PDXDC1: variants seen among roughly 807,000 people sequenced by gnomAD.
PDXDC1 encodes pyridoxal-dependent decarboxylase domain-containing protein 1.
A neutral mutation model predicts 100.1 loss-of-function variants in PDXDC1; 42 were observed. The ratio of observed to expected loss-of-function variants is 0.42; its 90% CI spans 0.33 to 0.54. The LOEUF (loss-of-function observed/expected upper bound fraction) is 0.54, where lower values mean the gene tolerates loss of function less well. Ranked by LOEUF, PDXDC1 falls within the 20% of genes least tolerant of loss-of-function variation. The pLI, the probability that PDXDC1 is intolerant of heterozygous loss-of-function variation, is 0.10. For synonymous variants in PDXDC1, 260 were observed against 371.7 expected, an observed-to-expected ratio of 0.70 and a Z score of 3.46; for missense variants, 636 against 979.2, an observed-to-expected ratio of 0.65 and a Z score of 4.68.
At chr16:15,122,280 G>A (rs1263363657) in intron 16 of PDXDC1, among the ~76,000 whole-genome samples, 7 of 149,356 alleles carry the variant, frequency 4.7e-5, no homozygotes, top group African/African-American at 9.9e-5. Context: ...GGGCCATCTC[G>A]GCTCACTGCA....
intron 7 of PDXDC1, among the ~76,000 whole-genome samples, chr16:15,009,063 G>T (rs1291196399): frequency 6.6e-6 from 1 of 152,288 alleles, no homozygotes; most frequent in African/African-American, 2.4e-5. Context: ...AAGGAGTCTT[G>T]TAATTACTGT....
intron 13 of PDXDC1, among the ~76,000 whole-genome samples, chr16:15,024,569 T>C (rs2042445062): frequency 6.6e-6 from 1 of 152,220 alleles, no homozygotes; most frequent in Non-Finnish European, 1.5e-5. Context: ...CATGCCACCA[T>C]GTCCAGCTAA....
rs761458431 is a variant in PDXDC1 at position 15,026,703 on chromosome 16, T to G, written c.1201T>G (p.Ser401Ala). 6.2e-7 allele frequency: 1 copy of G among 1,613,678 alleles called. No individual in the cohort carries two copies. Among genetic ancestry groups the G allele is most frequent in the East Asian group, 2.2e-5 (1 of 44,866 alleles). The change falls in exon 14 of 23, where the codon TCA (serine) becomes GCA (alanine). Residue 401 changes from serine (S) to alanine (A), a missense_variant. Transcript: ENST00000396410. ...CAGATTTTTCCAGGAATTACCAGGC[T>G]CAGGTCGGTGAATTTTAAAAGAGGG... ...VFRFFQELPGSDPVFKAVPVP... is the reference protein window; with the variant it reads ...VFRFFQELPGADPVFKAVPVP...
intron 16 of PDXDC1, chr16:15,127,929 G>A (rs1567299084): frequency 7.1e-7 from 1 of 1,405,760 alleles, no homozygotes; most frequent in Non-Finnish European, 9.9e-7. Flanking sequence ...ACTGCAGGAG[G>A]CCACGGGGCA....
Position 15,038,292 on chromosome 16 carries a change from C to A in PDXDC1, c.*2017C>A. 1.0e-6 allele frequency: 1 copy of A among 985,492 alleles called. No individual in the cohort carries two copies. Among genetic ancestry groups the A allele is most frequent in the Non-Finnish European group, 1.5e-6 (1 of 654,888 alleles). 61.0% of individuals were successfully genotyped at this position (985,492 alleles called of 1,614,324 possible). On this transcript the variant is annotated 3_prime_UTR_variant, in exon 23 of 23. Coordinates refer to ENST00000396410, the MANE Select transcript of PDXDC1 (RefSeq NM_015027.4). ...ATAAAGATGTCAAAGTATCTTTGTT[C>A]TTGGACACAAATATATATAATAAAA...
intron 16 of PDXDC1, among the ~76,000 whole-genome samples, chr16:15,030,678 G>A (rs2042997931): frequency 6.6e-6 from 1 of 151,494 alleles, no homozygotes; most frequent in Non-Finnish European, 1.5e-5. Context: ...TGACCTCCTG[G>A]GCTCAAGTGA....
chr16:15,094,847 AT>A (rs1021423911), intron 16 of PDXDC1: 1 of 151,996 alleles, frequency 6.6e-6, no homozygotes, highest in Non-Finnish European at 1.5e-5. Flanking sequence ...TTATTTATTT[AT>A]TTTCTTTTGA....
At chr16:15,058,819 A>G (rs2044615744) in intron 16 of PDXDC1, among the ~76,000 whole-genome samples, 1 of 152,196 alleles carries the variant, frequency 6.6e-6, no homozygotes, top group African/African-American at 2.4e-5. Flanking sequence ...TTTAATGTAG[A>G]GATGGGGGTC....
In PDXDC1 at chr16:15,035,502, G is replaced by A. The variant is rs763601348; in HGVS notation, c.2056G>A (p.Val686Ile). 1 of 1,612,846 alleles carries A rather than the reference G, an allele frequency of 6.2e-7. No homozygotes were observed. The highest frequency in any genetic ancestry group is 1.7e-5 in the Admixed American group (1 of 59,958). The change falls in exon 22 of 23, where the codon GTC becomes ATC. Residue 686 changes from valine (V) to isoleucine (I), a missense_variant. Val to Ile is a conservative substitution (Grantham distance 29, BLOSUM62 3). Transcript: ENST00000396410. ...TGTCTACAAAGCACAAGGTGCAGGA[G>A]TCACGCTGCCTCCAACGCCCTCGGG... ...IYVYKAQGAG[V>I]TLPPTPSGSR...
downstream of PDXDC1, chr16:15,040,380 G>A (rs1007299772): frequency 9.8e-6 from 3 of 307,456 alleles, no homozygotes; most frequent in African/African-American, 2.2e-5. Flanking sequence ...ACTGGTGTAC[G>A]GCCAGGGGTG....
intron 1 of PDXDC1, among the ~76,000 whole-genome samples, chr16:14,993,134 T>A (rs575936435): frequency 2.7e-3 from 387 of 145,300 alleles, no homozygotes; most frequent in East Asian, 4.4e-3. Flanking sequence ...TAAAAAAAAA[T>A]TTTTTTTTTA....
chr16:15,035,478 G>A lies in PDXDC1; in HGVS notation c.2032G>A (p.Val678Ile). Residue 678 changes from valine to isoleucine, a missense_variant, in exon 22 of 23, where the codon GTC (valine) becomes ATC (isoleucine). Val to Ile is a conservative substitution (Grantham distance 29). Around this residue, in one of 4 missense-constraint regions of PDXDC1, gnomAD observed 452 missense variants for 402.9 expected, o/e 1.12. Transcript: ENST00000396410. ...GSLESTEPIY[V>I]YKAQGAGVTL... ...TCTGGAGTCCACAGAACCCATATAT[G>A]TCTACAAAGCACAAGGTGCAGGAGT... The A allele has an allele frequency of 4.3e-6, 7 of 1,611,564 alleles. No individual in the cohort carries two copies. The highest frequency in any genetic ancestry group is 5.9e-6 in the Non-Finnish European group (7 of 1,179,078).
chr16:15,039,860 T>G (rs1468636346), downstream of PDXDC1: 2 of 688,878 alleles, frequency 2.9e-6, no homozygotes, highest in Admixed American at 4.5e-5. Flanking sequence ...AATGTACGGC[T>G]ATAAAGAAGC....
rs2041852741 is a variant in PDXDC1, at chr16:15,017,133, A to G, written c.826A>G (p.Thr276Ala). 6.2e-7 allele frequency: 1 copy of G among 1,613,936 alleles called. No individual in the cohort carries two copies. Among genetic ancestry groups the G allele is most frequent in the South Asian group, 1.1e-5 (1 of 91,078 alleles). The change falls in exon 10 of 23, where the codon ACA becomes GCA. Residue 276 changes from threonine (T) to alanine (A), a missense_variant. Thr to Ala is a moderately conservative substitution (Grantham distance 58). Transcript: ENST00000396410. ...TTTTTCTTCCAGTGTGAATCTGGCAACATTGGCTCTGGGTTATGTCTCCTC... is the reference window on the plus strand; with the variant it reads ...TTTTTCTTCCAGTGTGAATCTGGCAGCATTGGCTCTGGGTTATGTCTCCTC... ...WLHVEGVNLA[T>A]LALGYVSSSV...
In PDXDC1 at chr16:15,036,243, T is replaced by G; in HGVS notation, c.2335T>G (p.Ser779Ala). 1 of 1,614,026 alleles carries G rather than the reference T, an allele frequency of 6.2e-7. No individual in the cohort carries two copies. Among genetic ancestry groups the G allele is most frequent in the Non-Finnish European group, 8.5e-7 (1 of 1,179,896 alleles). The change falls in exon 23 of 23, where the codon TCA (serine) becomes GCA (alanine). Residue 779 changes from serine to alanine, a missense_variant. Ser to Ala is a moderately conservative substitution (Grantham distance 99). This residue lies in a region of PDXDC1 where 452 missense variants were observed against 402.9 expected (regional missense o/e 1.12). Transcript: ENST00000396410. Reference protein sequence around the residue: ...KGVPHPEDDHSQVEGPESLR With the variant: ...KGVPHPEDDHAQVEGPESLR ...GGTCCCACACCCAGAAGATGACCAC[T>G]CACAGGTAGAAGGACCGGAGAGCTT...
At position 14,975,056 on chromosome 16, in the gene PDXDC1, C is replaced by T. The variant is rs573676602; in HGVS notation, c.-144C>T. ...AACCATCAGGTTCGGCAGCCCGCGG[C>T]GCCGCCTGGCAGCTCCTCCTCTTCT... On this transcript the variant is annotated 5_prime_UTR_variant, in exon 1 of 23. Coordinates refer to ENST00000396410, the MANE Select transcript of PDXDC1 (RefSeq NM_015027.4). 1,401 of 1,512,726 alleles carry T rather than the reference C, an allele frequency of 9.3e-4. No homozygotes were observed. Among genetic ancestry groups the T allele is most frequent in the Non-Finnish European group, 1.2e-3 (1,346 of 1,138,368 alleles). 93.7% of individuals were successfully genotyped at this position (1,512,726 alleles called of 1,614,324 possible). A position where few individuals can be genotyped will look rare whatever the true frequency, so the allele number is the denominator to read the frequency against.
In PDXDC1 at chr16:15,082,935, A is replaced by G. The variant is rs1365349004; in HGVS notation, c.1399+52879A>G. 2.6e-5 allele frequency among the ~76,000 whole-genome samples: 4 copies of G among 152,370 alleles called. No homozygotes were observed. In the East Asian group the frequency reaches 7.7e-4, roughly 29 times the overall value. ...TATTATCTTCTAGTAATTCTTGTCC[A>G]TATGAGCATAAAGCCACTACAGATA... is the stretch of plus-strand genomic sequence containing the variant. On this transcript the variant is annotated intron_variant, in intron 16 of 16. Transcript: ENST00000535621.
At chr16:15,070,690 C>A (rs886219178) in intron 16 of PDXDC1, among the ~76,000 whole-genome samples, 1 of 152,094 alleles carries the variant, frequency 6.6e-6, no homozygotes, top group African/African-American at 2.4e-5. Flanking sequence ...GTTTCAACAG[C>A]ATCCTTGTCC....
chr16:15,131,698 A>G (rs998232786), intron 16 of PDXDC1: 54 of 1,332,328 alleles, frequency 4.1e-5, no homozygotes, highest in Admixed American at 1.1e-4. Flanking sequence ...GGCCAGGTGG[A>G]TGAGGTCTCC....
Sources: gnomAD v4.1 joint callset for allele counts (sites outside exome capture counted in the v4.1 genomes callset) on GRCh38, gnomAD v4.1.1 for gene constraint, gnomAD v4.1.1 regional missense constraint, MANE v1.5 for transcripts, NCBI Gene and HGNC (gene_info 2026-07-23, HGNC 2026-07-21) for gene names.